Variants in LINGO2 observed in about 807,000 individuals in gnomAD.
LINGO2 encodes the protein leucine rich repeat and Ig domain containing 2, also known as leucine-rich repeat and immunoglobulin-like domain-containing nogo receptor-interacting protein 2.
LINGO2 carries 14 observed loss-of-function variants against 30.6 expected under a neutral mutation model. The ratio of observed to expected loss-of-function variants is 0.46; its 90% CI spans 0.30 to 0.72. The LOEUF (loss-of-function observed/expected upper bound fraction) is 0.72, where lower values mean the gene tolerates loss of function less well. Among genes scored for constraint, LINGO2 ranks in the 30% least tolerant of loss-of-function variants. The pLI is 0.07. For missense variants in LINGO2, 729 were observed against 751.7 expected (o/e 0.97, Z 0.35); for synonymous variants, 317 against 288.5 (o/e 1.10, Z -1.00).
At chr9:27,942,306 G>A in the LINGO2 span, 2 of 152,224 alleles carry the variant, frequency 1.3e-5, no homozygotes, top group Admixed American at 1.3e-4. Context: ...CACGTTCCCT[G>A]TGAGACTCAT....
intron 4 of LINGO2, among the ~76,000 whole-genome samples, chr9:28,117,667 C>T (rs1484974290): frequency 2.2e-5 from 3 of 135,232 alleles, no homozygotes; most frequent in East Asian, 2.2e-4. Context: ...GGGAGTGACC[C>T]GATTTTCCAG....
rs192142262 is a variant in LINGO2 at position 28,242,307 on chromosome 9, A to C, written c.-87+52901T>G. ...GACCAACGGAGCTGAAAAACATAGC[A>C]TGAGAACTTCGTGAACCATACACAA... On this transcript the variant is annotated intron_variant, in intron 4 of 5. Transcript: ENST00000379992. Among the ~76,000 whole-genome samples the C allele has an allele frequency of 3.4e-3, 524 of 152,316 alleles. 4 individuals carry two copies. The highest frequency in any genetic ancestry group is 0.012 in the African/African-American group (492 of 41,572).
chr9:28,584,113 T>C (rs1475067356), intron 1 of LINGO2, among the ~76,000 whole-genome samples: 2 of 152,022 alleles, frequency 1.3e-5, no homozygotes, highest in Non-Finnish European at 2.9e-5. Context: ...TTTACATAAA[T>C]TACCCCATTT....
intron 4 of LINGO2, among the ~76,000 whole-genome samples, chr9:28,078,775 G>A (rs1483663761): frequency 6.8e-6 from 1 of 147,820 alleles, no homozygotes; most frequent in African/African-American, 2.7e-5. Flanking sequence ...CTGAACCTGG[G>A]AGGCAGAGGT....
chr9:28,873,139 T>A, the LINGO2 span, among the ~76,000 whole-genome samples: 1 of 151,874 alleles, frequency 6.6e-6, no homozygotes, highest in African/African-American at 2.4e-5. Flanking sequence ...GAGGCCGAGG[T>A]GGGCGGATCA....
intron 4 of LINGO2, among the ~76,000 whole-genome samples, chr9:28,023,838 G>A (rs1234363687): frequency 6.6e-6 from 1 of 152,118 alleles, no homozygotes; most frequent in Non-Finnish European, 1.5e-5. Context: ...GGCCCCCTAA[G>A]ATTATGCCAC....
intron 1 of LINGO2, among the ~76,000 whole-genome samples, chr9:28,558,528 G>GTTAC (rs1328278790): frequency 6.6e-6 from 1 of 152,012 alleles, no homozygotes; most frequent in African/African-American, 2.4e-5. Flanking sequence ...GGAGTGAAGA[G>GTTAC]TAGTAGCCTT....
chr9:28,690,761 T>C, the LINGO2 span, among the ~76,000 whole-genome samples: 2 of 152,148 alleles, frequency 1.3e-5, no homozygotes, highest in Admixed American at 6.6e-5. Flanking sequence ...CCTCTCCTCC[T>C]GACAATGAAT....
intron 1 of LINGO2, among the ~76,000 whole-genome samples, chr9:28,612,060 C>T (rs1034150167): frequency 4.6e-5 from 7 of 151,856 alleles, no homozygotes; most frequent in African/African-American, 7.3e-5. Context: ...TGAGCCACCA[C>T]GCCTGGGCTT....
rs141783243 is a variant in LINGO2 at position 28,398,702 on chromosome 9, G to A, written c.-278-25834C>T. On this transcript the variant is annotated intron_variant, in intron 2 of 5. Coordinates refer to ENST00000379992, the Ensembl canonical transcript of LINGO2. ...AGCAGGTAAGAAGGTGAGTAAAAAC[G>A]AGACTGAGAGAGAGAAGGCCAAAAA... Among the ~76,000 whole-genome samples, 278 of 151,888 alleles carry A rather than the reference G, an allele frequency of 1.8e-3. 1 individual carries two copies. Among genetic ancestry groups the A allele is most frequent in the East Asian group, 0.018 (92 of 5,166 alleles).
chr9:28,561,282 C>T (rs1173299004), intron 1 of LINGO2, among the ~76,000 whole-genome samples: 4 of 151,474 alleles, frequency 2.6e-5, no homozygotes, highest in African/African-American at 9.7e-5. Context: ...ATAGAGTTAC[C>T]GTTAAAAAAA....
chr9:29,068,426 C>T, the LINGO2 span, among the ~76,000 whole-genome samples: 1 of 151,668 alleles, frequency 6.6e-6, no homozygotes, highest in East Asian at 1.9e-4. Flanking sequence ...TAATGTCTTG[C>T]AATATAAACC....
At chr9:28,004,526 G>A (rs1587667835) in intron 5 of LINGO2, among the ~76,000 whole-genome samples, 6 of 152,132 alleles carry the variant, frequency 3.9e-5, no homozygotes, top group Admixed American at 3.9e-4. Context: ...ACACTTATGA[G>A]TCATTTAGTG....
the LINGO2 span, among the ~76,000 whole-genome samples, chr9:28,735,058 T>A: frequency 6.6e-6 from 1 of 152,180 alleles, no homozygotes; most frequent in Non-Finnish European, 1.5e-5. Flanking sequence ...GTACTTCTGA[T>A]TTTTTTATCT....
intron 2 of LINGO2, among the ~76,000 whole-genome samples, chr9:28,396,703 C>CAAAAAAA (rs60660309): frequency 0.24 from 12,583 of 52,858 alleles, 2,913 homozygotes; most frequent in East Asian, 0.4. Context: ...GACTCCATCT[C>CAAAAAAA]AAAAAAAAAA....
the LINGO2 span, among the ~76,000 whole-genome samples, chr9:29,153,489 G>C: frequency 6.6e-6 from 1 of 152,132 alleles, no homozygotes; most frequent in Non-Finnish European, 1.5e-5. Context: ...CAATTTAATA[G>C]CTATGAAAAT....
intron 5 of LINGO2, among the ~76,000 whole-genome samples, chr9:28,002,524 T>A (rs527933519): frequency 1.3e-5 from 2 of 152,328 alleles, no homozygotes; most frequent in South Asian, 4.1e-4. Context: ...TATATTCTTA[T>A]ATATTTTTAA....
the LINGO2 span, among the ~76,000 whole-genome samples, chr9:28,992,197 A>G: frequency 2.0e-5 from 3 of 152,036 alleles, no homozygotes; most frequent in African/African-American, 2.4e-5. Flanking sequence ...GAAAACAAAA[A>G]AAGGCAGGGG....
chr9:28,322,784 T>A (rs1025185319), intron 3 of LINGO2, among the ~76,000 whole-genome samples: 3 of 152,224 alleles, frequency 2.0e-5, no homozygotes, highest in African/African-American at 7.2e-5. Flanking sequence ...ACAACCTCAA[T>A]AAATTGCTAA....
Sources: allele counts gnomAD v4.1 joint callset (sites outside exome capture counted in the v4.1 genomes callset), GRCh38; gene constraint gnomAD v4.1.1; transcripts MANE v1.5; gene names NCBI Gene and HGNC (gene_info 2026-07-23, HGNC 2026-07-21).